The following CHRDL1 variants were observed in gnomAD, a reference collection of about 807,000 sequenced individuals.
CHRDL1 encodes chordin like 1.
In CHRDL1, 19 loss-of-function variants were observed where a neutral mutation model predicts 40.9. The ratio of observed to expected loss-of-function variants is 0.46; its 90% CI spans 0.32 to 0.68. The LOEUF is 0.68. Ranked by LOEUF, CHRDL1 falls within the 30% of genes least tolerant of loss-of-function variation. The pLI, the probability that CHRDL1 is intolerant of heterozygous loss-of-function variation, is 0.03. For synonymous variants in CHRDL1, 136 were observed against 123.4 expected (o/e 1.10, Z -0.68); for missense variants, 329 against 352.1 (o/e 0.93, Z 0.53).
At chrX:110,750,244 C>T (rs2089332898) in intron 4 of CHRDL1, among the ~76,000 whole-genome samples, 1 of 112,040 alleles carries the variant, frequency 8.9e-6, no homozygotes, top group Non-Finnish European at 1.9e-5. Context: ...GTGAATTTAT[C>T]AGGACAAGGC....
chrX:110,702,541 C>A (rs540211394), intron 6 of CHRDL1, among the ~76,000 whole-genome samples: 3 of 111,593 alleles, frequency 2.7e-5, no homozygotes, highest in African/African-American at 6.5e-5. Context: ...CACCAAAACT[C>A]TAGGTTACCT....
At chrX:110,684,312 C>A (rs184584557) in intron 9 of CHRDL1, among the ~76,000 whole-genome samples, 1 of 112,135 alleles carries the variant, frequency 8.9e-6, no homozygotes, top group Non-Finnish European at 1.9e-5. Flanking sequence ...TCTCTTTTCC[C>A]TTTTCAACAT....
intron 2 of CHRDL1, among the ~76,000 whole-genome samples, chrX:110,791,071 C>G (rs189749904): frequency 9.6e-4 from 106 of 110,397 alleles, no homozygotes; most frequent in Non-Finnish European, 1.8e-3. Flanking sequence ...TGTCAGCAAG[C>G]CTTCTGCCTG....
Position 110,790,886 on chromosome X carries a change from C to T in CHRDL1, c.94+1202G>A, listed in dbSNP as rs1013512017. Among the ~76,000 whole-genome samples the T allele has an allele frequency of 6.6e-5, 7 of 105,439 alleles. No individual in the cohort carries two copies. In the Admixed American group the frequency reaches 7.5e-4, roughly 11 times the overall value. 91.6% of individuals were successfully genotyped at this position (105,439 alleles called of 115,157 possible). ...CTTGCTGAGATCATGCCCCACTAAA[C>T]TTCCTTTTGTGTCCCAATCATACTA... On this transcript the variant is annotated intron_variant, in intron 2 of 11. Transcript: ENST00000372042.
intron 6 of CHRDL1, among the ~76,000 whole-genome samples, chrX:110,702,597 C>T (rs2070537106): frequency 9.0e-6 from 1 of 111,308 alleles, no homozygotes; most frequent in Admixed American, 9.6e-5. Context: ...GGGTTCATTA[C>T]CTGTGTTACT....
intron 6 of CHRDL1, among the ~76,000 whole-genome samples, chrX:110,717,979 G>A (rs754562574): frequency 9.0e-6 from 1 of 111,633 alleles, no homozygotes; most frequent in African/African-American, 3.3e-5. Context: ...TGAGAACCAC[G>A]GCTCCAAATG....
At chrX:110,746,046 C>A (rs145214531) in intron 4 of CHRDL1, among the ~76,000 whole-genome samples, 1 of 111,811 alleles carries the variant, frequency 8.9e-6, no homozygotes, top group South Asian at 3.7e-4. Context: ...ATGACATCCT[C>A]CCATTACTGT....
chrX:110,738,154 G>C (rs2148484085), intron 4 of CHRDL1, among the ~76,000 whole-genome samples: 1 of 112,304 alleles, frequency 8.9e-6, no homozygotes, highest in African/African-American at 3.2e-5. Flanking sequence ...TCTCCATTCT[G>C]GTGAACAGCT....
At chrX:110,722,515 T>C (rs2070980903) in intron 4 of CHRDL1, among the ~76,000 whole-genome samples, 1 of 111,859 alleles carries the variant, frequency 8.9e-6, no homozygotes, top group East Asian at 2.8e-4. Flanking sequence ...AGGCATCTAA[T>C]GTCTGAAGCA....
At chrX:110,752,669 TATG>T (rs1326624381) in intron 4 of CHRDL1, among the ~76,000 whole-genome samples, 1 of 111,365 alleles carries the variant, frequency 9.0e-6, no homozygotes, top group Admixed American at 9.6e-5. Context: ...ATGTAATTAT[TATG>T]TGTAATATAT....
chrX:110,775,505 T>C (rs942561813), intron 2 of CHRDL1, among the ~76,000 whole-genome samples: 4 of 111,348 alleles, frequency 3.6e-5, no homozygotes, highest in African/African-American at 1.3e-4. Context: ...AATATACTAA[T>C]TTGTTTCAGT....
chrX:110,768,888 T>C (rs2089707878), intron 2 of CHRDL1, among the ~76,000 whole-genome samples: 1 of 111,135 alleles, frequency 9.0e-6, no homozygotes, highest in Non-Finnish European at 1.9e-5. Context: ...CCCTTTCATG[T>C]ATACATATAT....
Position 110,774,416 on chromosome X carries a change from T to G in CHRDL1, c.95-11609A>C, listed in dbSNP as rs1033873158. Among the ~76,000 whole-genome samples the G allele has an allele frequency of 1.3e-4, 14 of 111,260 alleles. No homozygotes were observed. The South Asian group carries it at 1.5e-3, about 12-fold the overall frequency. On this transcript the variant is annotated intron_variant, in intron 2 of 11. Coordinates refer to ENST00000372042, the MANE Select transcript of CHRDL1 (RefSeq NM_001143981.2). ...TAAGCCACACACACAAAGAAAAATA[T>G]CACATGATCCCACTTATATGTGGTA...
chrX:110,741,989 C>A (rs1161872986), intron 4 of CHRDL1, among the ~76,000 whole-genome samples: 3 of 112,193 alleles, frequency 2.7e-5, no homozygotes, highest in South Asian at 7.4e-4. Flanking sequence ...CATAGGTTGG[C>A]TCTGGGTTGA....
chrX:110,763,558 T>TATATACAC (rs1203090246), intron 2 of CHRDL1, among the ~76,000 whole-genome samples: 186 of 105,563 alleles, frequency 1.8e-3, no homozygotes, highest in African/African-American at 6.1e-3. Context: ...TATATATATA[T>TATATACAC]ACACACACAT....
chrX:110,775,585 T>C (rs945918877), intron 2 of CHRDL1, among the ~76,000 whole-genome samples: 1 of 111,772 alleles, frequency 8.9e-6, no homozygotes, highest in Non-Finnish European at 1.9e-5. Flanking sequence ...ATAGAACTTA[T>C]TAGAAATATT....
rs1569456462 is a variant in CHRDL1, at chrX:110,674,506, A to ACACACACACACACACAC, written c.*1724_*1725insGTGTGTGTGTGTGTGTG. On this transcript the variant is annotated 3_prime_UTR_variant, in exon 12 of 12. Coordinates refer to ENST00000372042, the MANE Select transcript of CHRDL1 (RefSeq NM_001143981.2). ...ACACACACACACACACACACACACA[A>ACACACACACACACACAC]ACTAATGCTTTGTGACCTCTCAACC... The ACACACACACACACACAC allele has an allele frequency of 4.4e-5, 4 of 90,512 alleles. No individual in the cohort carries two copies. Among genetic ancestry groups the ACACACACACACACACAC allele is most frequent in the African/African-American group, 1.2e-4 (3 of 24,870 alleles). The allele number at this position is 90,512 out of a possible 1,213,427, so 7.5% of individuals were successfully genotyped here.
rs1434542474 is a variant in CHRDL1 at position 110,685,423 on chromosome X, T to C, written c.988+3171A>G. Among the ~76,000 whole-genome samples the C allele has an allele frequency of 2.7e-5, 3 of 111,028 alleles. No homozygotes were observed. The Admixed American group carries it at 2.9e-4, about 11-fold the overall frequency. ...GACTATGGGCACATGCCACCACACC[T>C]GGCTAATTTTTGTATTTTTGGTAGA... On this transcript the variant is annotated intron_variant, in intron 9 of 11. Transcript: ENST00000372042.
chrX:110,689,072 GTATATATATATATA>G (rs758293619), intron 8 of CHRDL1, among the ~76,000 whole-genome samples: 12 of 31,164 alleles, frequency 3.9e-4, no homozygotes, highest in Admixed American at 2.6e-3. Flanking sequence ...ATATATATAT[GTATATATATATATA>G]TATATATATA....
Sources: gnomAD v4.1 joint callset for allele counts (sites outside exome capture counted in the v4.1 genomes callset) on GRCh38, gnomAD v4.1.1 for gene constraint, MANE v1.5 for transcripts, NCBI Gene and HGNC (gene_info 2026-07-23, HGNC 2026-07-21) for gene names.